The following NOP14 variants were observed in gnomAD, a reference collection of about 807,000 sequenced individuals.
NOP14 encodes nucleolar protein 14.
NOP14 carries 57 observed loss-of-function variants against 101.6 expected under a neutral mutation model. That is an observed-to-expected ratio of 0.56 (90% CI 0.45 to 0.70). The LOEUF (loss-of-function observed/expected upper bound fraction) is 0.70. NOP14 is among the 30% of genes least tolerant of loss of function. NOP14 has a pLI of 0.00. For synonymous variants in NOP14, 428 were observed against 424.0 expected, an observed-to-expected ratio of 1.01 and a Z score of -0.12; for missense variants, 1,134 against 1,075.5, an observed-to-expected ratio of 1.05 and a Z score of -0.76.
rs1321056406 is a variant in NOP14 at position 2,955,041 on chromosome 4, C to T, written c.473-478G>A. ...CCCTCTAGTCACCTCCACGCCACGG[C>T]GCCCCCTCTAGTCACCTGCACGCCA... On this transcript the variant is annotated intron_variant, in intron 3 of 17. Coordinates refer to ENST00000416614, the MANE Select transcript of NOP14 (RefSeq NM_001291978.2). Among the ~76,000 whole-genome samples the T allele has an allele frequency of 2.7e-5, 4 of 148,770 alleles. No individual in the cohort carries two copies. The South Asian group carries it at 8.6e-4, about 32-fold the overall frequency.
intron 2 of NOP14, 77 bp downstream of exon 2, chr4:2,957,529 C>T: frequency 6.5e-7 from 1 of 1,542,054 alleles, no homozygotes; most frequent in Non-Finnish European, 8.9e-7. Flanking sequence ...GCAAAACATG[C>T]AGAGTCAGCC....
rs376483192 is a variant in NOP14, at chr4:2,942,156, A to G, written c.2051+36T>C. 2.6e-5 allele frequency: 42 copies of G among 1,597,082 alleles called. 1 individual carries two copies. The highest frequency in any genetic ancestry group is 1.7e-6 in the Non-Finnish European group (2 of 1,168,022). On this transcript the variant is annotated intron_variant, in intron 14 of 17. Coordinates refer to ENST00000416614, the MANE Select transcript of NOP14 (RefSeq NM_001291978.2). The stretch of plus-strand genomic sequence containing the variant: ...CTTCTCCTGCCTCTGGGGACGCTGT[A>G]GGGCACAGGCCCCAAAGCGGGGTCC...
intron 6 of NOP14, 137 bp downstream of exon 6, chr4:2,952,134 GAATA>G (rs1191170887): frequency 1.7e-6 from 1 of 584,158 alleles, no homozygotes; most frequent in African/African-American, 1.9e-5. Flanking sequence ...AGGTATTCAT[GAATA>G]AATATAAACT....
chr4:2,942,107 C>G (rs771940805), intron 14 of NOP14, 85 bp downstream of exon 14: 6 of 1,402,520 alleles, frequency 4.3e-6, no homozygotes, highest in Non-Finnish European at 5.9e-6. Flanking sequence ...TCACTAAGAA[C>G]AGCACATCAG....
Position 2,950,214 on chromosome 4 carries a change from C to G in NOP14, c.1003-1G>C. 1 of 1,613,138 alleles carries G rather than the reference C, an allele frequency of 6.2e-7. No individual in the cohort carries two copies. ...CTTCCTCGACATTCATCTTTCCATC[C>G]TACCAAGAGCGTGGAAACCACAGGG... On this transcript the variant is annotated splice_acceptor_variant, in intron 7 of 17. Transcript: ENST00000416614. LOFTEE classifies it high-confidence loss of function.
chr4:2,961,328 ATAACT>A (rs1346768582), intron 1 of NOP14: 1 of 7,402 alleles, frequency 1.4e-4, no homozygotes, highest in African/African-American at 3.8e-4. Flanking sequence ...CTACATTAAT[ATAACT>A]TATTTTATAA....
chr4:2,941,270 G>A, intron 15 of NOP14: 1 of 365,312 alleles, frequency 2.7e-6, no homozygotes, highest in Non-Finnish European at 5.1e-6. Flanking sequence ...GCGGCTCAGA[G>A]CTGACTGTCC....
At chr4:2,955,175 G>A (rs1207831469) in intron 3 of NOP14, among the ~76,000 whole-genome samples, 1 of 51,346 alleles carries the variant, frequency 1.9e-5, no homozygotes, top group African/African-American at 9.1e-5. Context: ...TCACCTGCAC[G>A]CCACGGCGCC....
At chr4:2,960,963 ATAT>A (rs1715782325) in intron 1 of NOP14, among the ~76,000 whole-genome samples, 1 of 62,506 alleles carries the variant, frequency 1.6e-5, no homozygotes, top group Non-Finnish European at 2.8e-5. Context: ...TATTAATATT[ATAT>A]CAATATTATA....
At chr4:2,942,005 T>C (rs1188149021) in intron 14 of NOP14, 187 bp downstream of exon 14, 7 of 651,286 alleles carry the variant, frequency 1.1e-5, no homozygotes, top group South Asian at 2.1e-5. Flanking sequence ...CAAGCAAATG[T>C]ATTTTGAAAA....
chr4:2,951,322 G>A (rs1375641798), intron 6 of NOP14, 77 bp from the exon 7 acceptor site: 1 of 1,400,962 alleles, frequency 7.1e-7, no homozygotes, highest in Non-Finnish European at 9.9e-7. Flanking sequence ...TCCTGCCCTG[G>A]GCAGCGGGCT....
At chr4:2,952,459 G>C (rs1228859627) in intron 5 of NOP14, 62 bp from the exon 6 acceptor site, 1 of 1,429,980 alleles carries the variant, frequency 7.0e-7, no homozygotes. Context: ...TTTACAAAAA[G>C]AAAAGATCTA....
chr4:2,948,921 C>G (rs1233343924), intron 8 of NOP14, among the ~76,000 whole-genome samples: 1 of 152,230 alleles, frequency 6.6e-6, no homozygotes, highest in Non-Finnish European at 1.5e-5. Context: ...GATCACGCAC[C>G]TGGGAACAGG....
At position 2,938,948 on chromosome 4, in the gene NOP14, C is replaced by T. The variant is rs1211369511; in HGVS notation, c.2475-18G>A. 2 of 1,606,968 alleles carry T rather than the reference C, an allele frequency of 1.2e-6. No homozygotes were observed. Among genetic ancestry groups the T allele is most frequent in the East Asian group, 4.5e-5 (2 of 44,842 alleles). ...CCGCATCCCTAAAAGAAACAAAAGGCAAATGCCCATTTTTGGATTAGTTCT... is the reference window on the plus strand; with the variant it reads ...CCGCATCCCTAAAAGAAACAAAAGGTAAATGCCCATTTTTGGATTAGTTCT... On this transcript the variant is annotated intron_variant, in intron 17 of 17. Transcript: ENST00000416614.
intron 14 of NOP14, 32 bp downstream of exon 14, chr4:2,942,160 C>A: frequency 6.2e-7 from 1 of 1,603,100 alleles, no homozygotes; most frequent in Non-Finnish European, 8.5e-7. Context: ...CGCTGTAGGG[C>A]ACAGGCCCCA....
chr4:2,947,408 G>T, intron 10 of NOP14, 118 bp downstream of exon 10: 1 of 756,912 alleles, frequency 1.3e-6, no homozygotes, highest in Non-Finnish European at 2.2e-6. Context: ...CACTTGGCAT[G>T]CTGACACCAT....
chr4:2,963,083 T>C (rs2109326592), intron 1 of NOP14, 42 bp downstream of exon 1: 1 of 1,475,158 alleles, frequency 6.8e-7, no homozygotes, highest in Non-Finnish European at 9.0e-7. Context: ...CAGCGTGGGG[T>C]CCAGATCCTG....
At chr4:2,959,313 C>T (rs934434667) in intron 1 of NOP14, among the ~76,000 whole-genome samples, 2 of 152,228 alleles carry the variant, frequency 1.3e-5, no homozygotes, top group African/African-American at 2.4e-5. Flanking sequence ...ACCTTTGGGG[C>T]CGGGCGCGGT....
chr4:2,945,221 AT>A lies in NOP14; in HGVS notation c.1643del (p.Tyr548PhefsTer2), dbSNP rs770251632. On this transcript the variant is annotated frameshift_variant, in exon 12 of 18. Coordinates refer to ENST00000416614, the MANE Select transcript of NOP14 (RefSeq NM_001291978.2). LOFTEE classifies it high-confidence loss of function. ...GAAATAGCAGCCCAGTGATTTTCAAATAAATGAGCTGGAAAGAAAGTGTTAC... is the reference window on the plus strand; with the variant it reads ...GAAATAGCAGCCCAGTGATTTTCAAAAAATGAGCTGGAAAGAAAGTGTTAC... ...AALPGLDVLI[Y>X]LKITGLLFPT... 6.4e-7 allele frequency: 1 copy of A among 1,566,700 alleles called. No homozygotes were observed. Among genetic ancestry groups the A allele is most frequent in the South Asian group, 1.2e-5 (1 of 85,188 alleles).
Sources: allele counts gnomAD v4.1 joint callset (sites outside exome capture counted in the v4.1 genomes callset), GRCh38; gene constraint gnomAD v4.1.1; transcripts MANE v1.5; gene names NCBI Gene and HGNC (gene_info 2026-07-23, HGNC 2026-07-21).